The following ATP2C2 variants were observed in gnomAD, a reference collection of about 807,000 sequenced individuals.
ATP2C2 encodes the protein ATPase secretory pathway Ca2+ transporting 2, also known as calcium-transporting ATPase type 2C member 2.
Under a neutral mutation model 110.8 loss-of-function variants are expected in ATP2C2, and 171 were observed. The ratio of observed to expected loss-of-function variants is 1.54; its 90% CI spans 1.36 to 1.75. ATP2C2 has a LOEUF of 1.75. ATP2C2 is among the 40% of genes most tolerant of loss of function. ATP2C2 has a pLI of 0.00. For missense variants in ATP2C2, 1,963 were observed against 1,235.0 expected (o/e 1.59, Z -8.84); for synonymous variants, 804 against 508.4 (o/e 1.58, Z -7.82).
intron 1 of ATP2C2, among the ~76,000 whole-genome samples, chr16:84,370,293 CG>C (rs1164047588): frequency 6.6e-6 from 1 of 152,176 alleles, no homozygotes; most frequent in African/African-American, 2.4e-5. Context: ...GGCTGTGGAC[CG>C]GGGTGCTCTC....
At chr16:84,373,014 G>A (rs62048789) in intron 1 of ATP2C2, among the ~76,000 whole-genome samples, 28,532 of 151,216 alleles carry the variant, frequency 0.19, 3,169 homozygotes, top group East Asian at 0.4. Flanking sequence ...CAGCTACTGC[G>A]GAGGCTGAGG....
chr16:84,443,618 T>G (rs1385695248), intron 15 of ATP2C2, among the ~76,000 whole-genome samples: 1 of 152,148 alleles, frequency 6.6e-6, no homozygotes, highest in African/African-American at 2.4e-5. Context: ...CACTCCAGTT[T>G]CCACCCCAGC....
At chr16:84,426,574 C>T (rs1195281889) in intron 11 of ATP2C2, among the ~76,000 whole-genome samples, 3 of 152,140 alleles carry the variant, frequency 2.0e-5, no homozygotes, top group Non-Finnish European at 2.9e-5. Context: ...AGTTTCTTAG[C>T]TCTCTGTGCC....
In ATP2C2 at chr16:84,415,556, G is replaced by A. The variant is rs201237199; in HGVS notation, c.589G>A (p.Gly197Arg). 5.3e-5 allele frequency: 86 copies of A among 1,613,928 alleles called. No individual in the cohort carries two copies. Among genetic ancestry groups the A allele is most frequent in the Non-Finnish European group, 6.5e-5 (77 of 1,179,984 alleles). Residue 197 changes from glycine to arginine, a missense_variant, in exon 7 of 27, where the codon GGA becomes AGA. Physicochemically the swap from Gly to Arg is moderately radical, Grantham distance 125 (BLOSUM62 -2). Transcript: ENST00000262429. ...TGGTGATGTCGTATCTCTCTCGATC[G>A]GAGACCGGATCCCTGCAGACATCCG... ...VPGDVVSLSI[G>R]DRIPADIRLT...
At chr16:84,376,930 C>T (rs1214037637) in intron 1 of ATP2C2, among the ~76,000 whole-genome samples, 3 of 152,216 alleles carry the variant, frequency 2.0e-5, no homozygotes, top group South Asian at 4.1e-4. Flanking sequence ...AACATCCAAT[C>T]GATACCTCCC....
intron 1 of ATP2C2, among the ~76,000 whole-genome samples, chr16:84,371,366 G>A (rs1296990778): frequency 2.0e-5 from 3 of 152,172 alleles, no homozygotes; most frequent in East Asian, 3.9e-4. Flanking sequence ...AAAATTAGGC[G>A]TGGTGGTGTG....
intron 1 of ATP2C2, among the ~76,000 whole-genome samples, chr16:84,397,243 G>A (rs1905041981): frequency 6.6e-6 from 1 of 151,836 alleles, no homozygotes; most frequent in South Asian, 2.1e-4. Flanking sequence ...TCTCAACACA[G>A]AGTGCTGGGA....
intron 11 of ATP2C2, among the ~76,000 whole-genome samples, chr16:84,435,748 G>A (rs1186289542): frequency 6.6e-6 from 1 of 152,010 alleles, no homozygotes; most frequent in Non-Finnish European, 1.5e-5. Context: ...GATTGCTTGA[G>A]TCCAGGAGGT....
intron 24 of ATP2C2, chr16:84,461,160 T>C (rs999714491): frequency 7.4e-5 from 20 of 270,534 alleles, no homozygotes; most frequent in African/African-American, 2.2e-4. Context: ...CTAGAGGTGA[T>C]TGTTTGCTTT....
In ATP2C2 at chr16:84,442,768, C is replaced by T. The variant is rs551879646; in HGVS notation, c.1401+169C>T. On this transcript the variant is annotated intron_variant, in intron 15 of 26. Transcript: ENST00000262429. ...ATCTGTTGGTGGTGGAGGAGGTGAGCTCTGAGATTCCACGGGACTTCAGCA... is the reference window on the plus strand; with the variant it reads ...ATCTGTTGGTGGTGGAGGAGGTGAGTTCTGAGATTCCACGGGACTTCAGCA... 2.1e-5 allele frequency among the ~76,000 whole-genome samples: 3 copies of T among 144,312 alleles called. No homozygotes were observed. In the East Asian group the frequency reaches 5.8e-4, roughly 28 times the overall value. 94.7% of individuals were successfully genotyped at this position (144,312 alleles called of 152,430 possible).
At chr16:84,408,825 A>G (rs1343069497) in intron 4 of ATP2C2, among the ~76,000 whole-genome samples, 1 of 151,860 alleles carries the variant, frequency 6.6e-6, no homozygotes, top group Non-Finnish European at 1.5e-5. Context: ...AACACCTTTG[A>G]TCCATTACCG....
intron 24 of ATP2C2, chr16:84,461,369 G>T (rs993251077): frequency 4.8e-6 from 2 of 416,584 alleles, no homozygotes; most frequent in East Asian, 4.8e-5. Flanking sequence ...TACTACTGAC[G>T]GCCATCCTTC....
At chr16:84,406,838 C>T (rs919530520) in intron 3 of ATP2C2, among the ~76,000 whole-genome samples, 2 of 152,142 alleles carry the variant, frequency 1.3e-5, no homozygotes, top group Admixed American at 6.5e-5. Flanking sequence ...GACCCGCTCC[C>T]CCACTTCCCC....
intron 13 of ATP2C2, 133 bp downstream of exon 13, chr16:84,439,657 C>G (rs1340947919): frequency 4.8e-6 from 4 of 826,920 alleles, no homozygotes; most frequent in East Asian, 2.6e-5. Flanking sequence ...AATCTCCTTG[C>G]TAACATGACT....
intron 1 of ATP2C2, among the ~76,000 whole-genome samples, chr16:84,376,641 G>T (rs887354071): frequency 2.0e-5 from 3 of 152,078 alleles, no homozygotes; most frequent in Non-Finnish European, 4.4e-5. Context: ...CAAAAGATTG[G>T]ACACCCCTTG....
chr16:84,373,780 C>G (rs1414560341), intron 1 of ATP2C2, among the ~76,000 whole-genome samples: 1 of 152,218 alleles, frequency 6.6e-6, no homozygotes, highest in East Asian at 1.9e-4. Context: ...GACATGTCAT[C>G]TGCTCACTAC....
intron 7 of ATP2C2, among the ~76,000 whole-genome samples, chr16:84,421,355 T>C (rs1000494809): frequency 3.3e-5 from 5 of 152,220 alleles, no homozygotes; most frequent in Non-Finnish European, 5.9e-5. Context: ...GCCACTGTCG[T>C]TCTTGGGGAC....
intron 2 of ATP2C2, among the ~76,000 whole-genome samples, chr16:84,398,912 T>C (rs867783071): frequency 6.6e-6 from 1 of 152,180 alleles, no homozygotes; most frequent in Non-Finnish European, 1.5e-5. Context: ...GAAGATGAAG[T>C]TGAGACACAG....
In ATP2C2 at chr16:84,423,358, C is replaced by G. The variant is rs932875975; in HGVS notation, c.919+95C>G. On this transcript the variant is annotated intron_variant, in intron 10 of 26. Coordinates refer to ENST00000262429, the MANE Select transcript of ATP2C2 (RefSeq NM_014861.4). ...TGGCCGTTTCTCAAATATCTTGCTA[C>G]TCAGCTGCATAAGGCTTGGGGATTG... is the stretch of plus-strand genomic sequence containing the variant. 8 of 1,181,478 alleles carry G rather than the reference C, an allele frequency of 6.8e-6. No individual in the cohort carries two copies. The Admixed American group carries it at 7.5e-5, about 11-fold the overall frequency. The allele number at this position is 1,181,478 out of a possible 1,614,324, so 73.2% of individuals were successfully genotyped here. A position where few individuals can be genotyped will look rare whatever the true frequency, so the allele number is the denominator to read the frequency against.
Sources: allele counts gnomAD v4.1 joint callset (sites outside exome capture counted in the v4.1 genomes callset), GRCh38; gene constraint gnomAD v4.1.1; transcripts MANE v1.5; gene names NCBI Gene and HGNC (gene_info 2026-07-23, HGNC 2026-07-21).